The following ABI3BP variants were observed in gnomAD, a reference collection of about 807,000 sequenced individuals.
ABI3BP encodes the protein ABI family member 3 binding protein.
In ABI3BP, 216 loss-of-function variants were observed where a neutral mutation model predicts 268.6. That is an observed-to-expected ratio of 0.80 (90% CI 0.72 to 0.90). The LOEUF is 0.90. Among genes scored for constraint, ABI3BP ranks in the 40% least tolerant of loss-of-function variants. The pLI, the probability that ABI3BP is intolerant of heterozygous loss-of-function variation, is 0.00. For synonymous variants in ABI3BP, 730 were observed against 730.0 expected (o/e 1.00, Z 0.00); for missense variants, 2,090 against 2,182.4 (o/e 0.96, Z 0.84).
chr3:100,825,638 G>A (rs2098366750), intron 35 of ABI3BP, 147 bp downstream of exon 35: 2 of 680,718 alleles, frequency 2.9e-6, no homozygotes, highest in African/African-American at 1.8e-5. Context: ...TTCTTCAGAT[G>A]ATAGAAATAG....
At chr3:100,930,000 C>T (rs1326137945) in intron 1 of ABI3BP, among the ~76,000 whole-genome samples, 1 of 152,026 alleles carries the variant, frequency 6.6e-6, no homozygotes, top group Non-Finnish European at 1.5e-5. Flanking sequence ...TGCCTATGTA[C>T]ATTCTACACT....
rs1447307450 is a variant in ABI3BP, at chr3:100,811,778, A to G, written c.3443T>C (p.Val1148Ala). 9 of 1,535,402 alleles carry G rather than the reference A, an allele frequency of 5.9e-6. No homozygotes were observed. The Admixed American group carries it at 1.6e-4, about 27-fold the overall frequency. Residue 1148 changes from valine (V) to alanine (A), a missense_variant, in exon 47 of 68, where the codon GTA (valine) becomes GCA (alanine). Physicochemically the swap from Val to Ala is moderately conservative, Grantham distance 64. Coordinates refer to ENST00000471714, the MANE Select transcript of ABI3BP (RefSeq NM_001375547.2). The part of the protein sequence containing the change: ...ETIAPAKTDY[V>A]YPTAKAPLWP... ...GAGTGGTGCTTTGGCAGTGGGATAT[A>G]CATAGTCTGTTTTGGCTGGTGCTAG...
intron 63 of ABI3BP, among the ~76,000 whole-genome samples, chr3:100,759,720 T>C (rs911729072): frequency 6.6e-6 from 1 of 152,230 alleles, no homozygotes; most frequent in African/African-American, 2.4e-5. Flanking sequence ...TGGAGTTATG[T>C]ACTTTTAGGT....
chr3:100,815,585 G>A (rs1247664751), intron 44 of ABI3BP, among the ~76,000 whole-genome samples: 1 of 152,082 alleles, frequency 6.6e-6, no homozygotes, highest in African/African-American at 2.4e-5. Context: ...GTACTTAATT[G>A]TTGCTTTATA....
At chr3:100,882,451 T>C in intron 6 of ABI3BP, among the ~76,000 whole-genome samples, 1 of 146,530 alleles carries the variant, frequency 6.8e-6, no homozygotes, top group South Asian at 2.1e-4. Flanking sequence ...ATATAATATA[T>C]ATATATATAT....
At chr3:100,939,370 C>T (rs1020845635) in intron 1 of ABI3BP, among the ~76,000 whole-genome samples, 1 of 140,502 alleles carries the variant, frequency 7.1e-6, no homozygotes, top group African/African-American at 2.5e-5. Flanking sequence ...TATCATTTAT[C>T]GAGGAACCTG....
At chr3:100,776,804 A>G (rs1378171169) in intron 59 of ABI3BP, among the ~76,000 whole-genome samples, 1 of 152,180 alleles carries the variant, frequency 6.6e-6, no homozygotes, top group African/African-American at 2.4e-5. Flanking sequence ...AGCTATGTTT[A>G]CTGACAGGAG....
intron 36 of ABI3BP, 44 bp from the exon 37 acceptor site, chr3:100,823,558 G>A (rs1303046147): frequency 6.8e-7 from 1 of 1,462,248 alleles, no homozygotes; most frequent in South Asian, 1.3e-5. Flanking sequence ...TTAAACATAT[G>A]AGAAGTTAGA....
At chr3:100,886,842 T>G (rs1312774585) in intron 4 of ABI3BP, among the ~76,000 whole-genome samples, 13 of 151,980 alleles carry the variant, frequency 8.6e-5, no homozygotes, top group Admixed American at 8.5e-4. Context: ...CTGTTTTTAT[T>G]ATTAAAAAGA....
Position 100,885,580 on chromosome 3 carries a change from C to A in ABI3BP, c.652G>T (p.Val218Leu). ...TAGGTACTTTGGATTTTCCCATTTA[C>A]TTTTTTACCTGATGAAACAAGGGAA... ...NHKTVVGSKK[V>L]NGKIQSTYDQ... Residue 218 changes from valine (V) to leucine (L), a missense_variant, in exon 6 of 68, where the codon GTA becomes TTA. Coordinates refer to ENST00000471714, the MANE Select transcript of ABI3BP (RefSeq NM_001375547.2). The A allele has an allele frequency of 6.4e-7, 1 of 1,550,522 alleles. No individual in the cohort carries two copies. The highest frequency in any genetic ancestry group is 8.8e-7 in the Non-Finnish European group (1 of 1,140,640).
At chr3:100,916,769 T>G (rs1182143082) in intron 2 of ABI3BP, among the ~76,000 whole-genome samples, 1 of 152,184 alleles carries the variant, frequency 6.6e-6, no homozygotes, top group East Asian at 1.9e-4. Context: ...CTCCAACCCT[T>G]GATTTTGTCT....
intron 2 of ABI3BP, among the ~76,000 whole-genome samples, chr3:100,923,164 T>A (rs2060813263): frequency 6.6e-6 from 1 of 152,082 alleles, no homozygotes; most frequent in Non-Finnish European, 1.5e-5. Context: ...CTTCTTGGAG[T>A]TGTGGAATCT....
chr3:100,910,513 T>A (rs1161643901), intron 2 of ABI3BP, among the ~76,000 whole-genome samples: 1 of 152,158 alleles, frequency 6.6e-6, no homozygotes, highest in Non-Finnish European at 1.5e-5. Flanking sequence ...AAATAAATTC[T>A]ATTTCTTTCC....
Position 100,874,867 on chromosome 3 carries a change from A to G in ABI3BP, c.884T>C (p.Ile295Thr). 1 of 1,598,732 alleles carries G rather than the reference A, an allele frequency of 6.3e-7. No individual in the cohort carries two copies. Among genetic ancestry groups the G allele is most frequent in the African/African-American group, 1.3e-5 (1 of 74,882 alleles). Residue 295 changes from isoleucine to threonine, a missense_variant, in exon 9 of 68, where the codon ATT becomes ACT. Transcript: ENST00000471714. ...VKLPASLMFE[I>T]SDALKTQLAK... ...TAATTGTGTCTTGAGTGCATCTGAA[A>G]TCTCAAACATTAGGGATGCAGGAAG...
intron 27 of ABI3BP, among the ~76,000 whole-genome samples, chr3:100,836,180 A>T (rs2098585474): frequency 1.3e-5 from 2 of 152,206 alleles, no homozygotes; most frequent in Non-Finnish European, 2.9e-5. Context: ...ATTTATTTCA[A>T]ATTGCTAATT....
At chr3:100,862,959 G>T in intron 12 of ABI3BP, 50 bp from the exon 13 acceptor site, 2 of 1,371,690 alleles carry the variant, frequency 1.5e-6, no homozygotes, top group Non-Finnish European at 2.0e-6. Context: ...AAAGTAACAG[G>T]AAAGATTTTT....
chr3:100,877,320 T>C (rs1032103543), intron 6 of ABI3BP, among the ~76,000 whole-genome samples: 6 of 152,224 alleles, frequency 3.9e-5, no homozygotes, highest in African/African-American at 7.2e-5. Flanking sequence ...TTACTACAGA[T>C]ACCACAACTA....
chr3:100,854,576 C>T (rs1478799396), intron 14 of ABI3BP, among the ~76,000 whole-genome samples: 1 of 152,208 alleles, frequency 6.6e-6, no homozygotes, highest in Non-Finnish European at 1.5e-5. Flanking sequence ...GTGAACCCTT[C>T]TGTATGGTAG....
rs2095220093 is a variant in ABI3BP at position 100,749,711 on chromosome 3, C to CTTGA, written c.*780_*783dup. ...CTTCACATTCAGTCTCTACATACAG[C>CTTGA]TTGATTAGAATCATAAAAACAATAT... is the stretch of plus-strand genomic sequence containing the variant. On this transcript the variant is annotated 3_prime_UTR_variant, in exon 68 of 68. Transcript: ENST00000471714. 1 of 398,262 alleles carries CTTGA rather than the reference C, an allele frequency of 2.5e-6. No homozygotes were observed. Among genetic ancestry groups the CTTGA allele is most frequent in the South Asian group, 1.3e-4 (1 of 7,850 alleles). The allele number at this position is 398,262 out of a possible 1,614,324, so 24.7% of individuals were successfully genotyped here. A position where few individuals can be genotyped will look rare whatever the true frequency, so the allele number is the denominator to read the frequency against.
Sources: allele counts gnomAD v4.1 joint callset (sites outside exome capture counted in the v4.1 genomes callset), GRCh38; gene constraint gnomAD v4.1.1; transcripts MANE v1.5; gene names NCBI Gene and HGNC (gene_info 2026-07-23, HGNC 2026-07-21).